The following ANO3 variants were observed in gnomAD, a reference collection of about 807,000 sequenced individuals.
The protein encoded by ANO3 is anoctamin-3.
ANO3 carries 99 observed loss-of-function variants against 144.8 expected under a neutral mutation model. The observed-to-expected ratio is 0.68, with a 90% confidence interval of 0.58 to 0.81. The LOEUF is 0.81. ANO3 is among the 30% of genes least tolerant of loss of function. The pLI, the probability that ANO3 is intolerant of heterozygous loss-of-function variation, is 0.00. For missense variants in ANO3, 905 were observed against 1,202.2 expected (o/e 0.75, Z 3.66); for synonymous variants, 414 against 392.6 (o/e 1.05, Z -0.64).
intron 4 of ANO3, among the ~76,000 whole-genome samples, chr11:26,478,852 G>A (rs543897788): frequency 5.3e-5 from 8 of 152,224 alleles, no homozygotes; most frequent in Admixed American, 2.0e-4. Flanking sequence ...GTAGTCATCA[G>A]GTAATTACTT....
At chr11:26,451,589 C>T (rs1244443748) in intron 3 of ANO3, among the ~76,000 whole-genome samples, 1 of 152,322 alleles carries the variant, frequency 6.6e-6, no homozygotes, top group African/African-American at 2.4e-5. Context: ...CAGGAAGCTC[C>T]AACTGAGTGG....
chr11:26,306,025 C>A (rs1295515653), upstream of ANO3, among the ~76,000 whole-genome samples: 1 of 152,036 alleles, frequency 6.6e-6, no homozygotes, highest in East Asian at 1.9e-4. Context: ...GTGGCGCGAT[C>A]TCGGCTCACT....
intron 1 of ANO3, among the ~76,000 whole-genome samples, chr11:26,256,557 C>T (rs572348110): frequency 1.2e-4 from 18 of 152,150 alleles, no homozygotes; most frequent in African/African-American, 4.3e-4. Flanking sequence ...TCTCAAGAGC[C>T]TGAATACTTA....
At chr11:26,315,663 A>G (rs907663525) in intron 1 of ANO3, among the ~76,000 whole-genome samples, 121 of 137,786 alleles carry the variant, frequency 8.8e-4, no homozygotes, top group African/African-American at 2.4e-3. Flanking sequence ...CTGTCTGTCT[A>G]TCTATCTATC....
chr11:26,562,162 T>C (rs777901137), intron 14 of ANO3, among the ~76,000 whole-genome samples: 1 of 151,924 alleles, frequency 6.6e-6, no homozygotes. Context: ...GGTTAAAAAA[T>C]GGTTGAAAAC....
intron 1 of ANO3, among the ~76,000 whole-genome samples, chr11:26,372,840 T>C (rs540020369): frequency 2.0e-5 from 3 of 152,276 alleles, no homozygotes; most frequent in African/African-American, 7.2e-5. Context: ...TTAGATAGTT[T>C]GGCCATTTCA....
At position 26,563,134 on chromosome 11, in the gene ANO3, C is replaced by A. The variant is rs770056532; in HGVS notation, c.1447+3355C>A. Reference sequence around the variant, plus strand: ...ATTTTACCTGGTTCATTTCTGTCGTCATAAAGTCGCCGATGGGAAAATGAA... The same window carrying A: ...ATTTTACCTGGTTCATTTCTGTCGTAATAAAGTCGCCGATGGGAAAATGAA... On this transcript the variant is annotated intron_variant, in intron 14 of 26. Transcript: ENST00000256737. 1.3e-5 allele frequency: 21 copies of A among 1,611,870 alleles called. No homozygotes were observed. In the Middle Eastern group the frequency reaches 8.2e-4, roughly 63 times the overall value.
At chr11:26,382,953 T>C (rs1362949552) in intron 1 of ANO3, among the ~76,000 whole-genome samples, 3 of 152,208 alleles carry the variant, frequency 2.0e-5, no homozygotes, top group Non-Finnish European at 4.4e-5. Context: ...TGTCTCTGAC[T>C]CTGAGTGGAA....
At chr11:26,617,630 A>G (rs1852298554) in intron 17 of ANO3, among the ~76,000 whole-genome samples, 1 of 152,180 alleles carries the variant, frequency 6.6e-6, no homozygotes, top group African/African-American at 2.4e-5. Flanking sequence ...AATTTGGCAT[A>G]AAGATTCAGG....
At chr11:26,215,017 G>T (rs747866952) in intron 1 of ANO3, among the ~76,000 whole-genome samples, 1 of 152,024 alleles carries the variant, frequency 6.6e-6, no homozygotes, top group South Asian at 2.1e-4. Context: ...CAGAAATAAA[G>T]TGTCATTATG....
At chr11:26,266,299 A>G (rs752042349) in intron 1 of ANO3, among the ~76,000 whole-genome samples, 4 of 152,186 alleles carry the variant, frequency 2.6e-5, no homozygotes, top group Non-Finnish European at 5.9e-5. Flanking sequence ...AGGTTTATTA[A>G]TTAGAATATA....
At chr11:26,408,291 A>C (rs1185441618) in intron 1 of ANO3, among the ~76,000 whole-genome samples, 2 of 151,722 alleles carry the variant, frequency 1.3e-5, no homozygotes, top group African/African-American at 4.8e-5. Flanking sequence ...AAAAACAAAC[A>C]ACCCCATCAA....
chr11:26,500,928 T>C (rs1399498059), intron 4 of ANO3, among the ~76,000 whole-genome samples: 3 of 152,132 alleles, frequency 2.0e-5, no homozygotes, highest in African/African-American at 7.2e-5. Context: ...TTTCTCTAAT[T>C]TAGGAGTGTA....
intron 1 of ANO3, among the ~76,000 whole-genome samples, chr11:26,364,738 C>A (rs963300828): frequency 6.6e-6 from 1 of 152,182 alleles, no homozygotes; most frequent in Non-Finnish European, 1.5e-5. Flanking sequence ...CATGAGAAAT[C>A]CACCCCCGTG....
intron 7 of ANO3, among the ~76,000 whole-genome samples, chr11:26,526,453 A>G (rs910140667): frequency 6.6e-6 from 1 of 152,204 alleles, no homozygotes; most frequent in Admixed American, 6.5e-5. Flanking sequence ...TGAATGTGGT[A>G]GAGTATGCTC....
intron 14 of ANO3, among the ~76,000 whole-genome samples, chr11:26,578,174 T>C (rs536270473): frequency 2.0e-5 from 3 of 152,320 alleles, no homozygotes; most frequent in East Asian, 1.9e-4. Flanking sequence ...ATAAGAGTTA[T>C]ATTAAGACAT....
chr11:26,313,823 G>C (rs1190428470), intron 1 of ANO3, among the ~76,000 whole-genome samples: 1 of 150,464 alleles, frequency 6.6e-6, no homozygotes, highest in Non-Finnish European at 1.5e-5. Context: ...TATGCTTTTT[G>C]TGATTACATT....
At chr11:26,347,919 A>G (rs1282537209) in intron 1 of ANO3, among the ~76,000 whole-genome samples, 2 of 152,228 alleles carry the variant, frequency 1.3e-5, no homozygotes, top group African/African-American at 2.4e-5. Flanking sequence ...TCCTGGCCCA[A>G]GAGGCCCTGG....
chr11:26,596,515 T>A (rs951713232), intron 14 of ANO3, among the ~76,000 whole-genome samples: 2 of 152,186 alleles, frequency 1.3e-5, no homozygotes, highest in Non-Finnish European at 2.9e-5. Context: ...TCGAGAGCTG[T>A]ATGCCTGAAT....
Sources: allele counts gnomAD v4.1 joint callset (sites outside exome capture counted in the v4.1 genomes callset), GRCh38; gene constraint gnomAD v4.1.1; transcripts MANE v1.5; gene names NCBI Gene and HGNC (gene_info 2026-07-23, HGNC 2026-07-21).